Variants in EDIL3 observed in about 807,000 individuals in gnomAD.
EDIL3 encodes EGF-like repeat and discoidin I-like domain-containing protein 3.
EDIL3 carries 37 observed loss-of-function variants against 67.4 expected under a neutral mutation model. The ratio of observed to expected loss-of-function variants is 0.55; its 90% CI spans 0.42 to 0.72. EDIL3 has a LOEUF of 0.72. Among genes scored for constraint, EDIL3 ranks in the 30% least tolerant of loss-of-function variants. EDIL3 has a pLI of 0.00. For missense variants in EDIL3, 527 were observed against 586.3 expected (o/e 0.90, Z 1.04); for synonymous variants, 195 against 196.3 (o/e 0.99, Z 0.05).
Position 84,320,808 on chromosome 5 carries a change from C to A in EDIL3, c.67+63500G>T, listed in dbSNP as rs1580076620. ...AAACAAAGGGCCTAGCTTTCTTCCA[C>A]CCAGGGATGCTAAAAGGAAGAAAAG... On this transcript the variant is annotated intron_variant, in intron 1 of 10. Transcript: ENST00000296591. 2.0e-5 allele frequency among the ~76,000 whole-genome samples: 3 copies of A among 152,218 alleles called. No individual in the cohort carries two copies. In the East Asian group the frequency reaches 5.8e-4, roughly 29 times the overall value.
At chr5:84,190,536 CAT>C (rs3836849) in intron 3 of EDIL3, among the ~76,000 whole-genome samples, 14,611 of 133,190 alleles carry the variant, frequency 0.11, 705 homozygotes, top group Non-Finnish European at 0.13. Flanking sequence ...AGTATTTCTA[CAT>C]ATATATATAT....
rs142533852 is a variant in EDIL3 at position 84,011,870 on chromosome 5, T to G, written c.1137+48430A>C. Among the ~76,000 whole-genome samples the G allele has an allele frequency of 1.7e-3, 255 of 152,266 alleles. 1 individual carries two copies. The highest frequency in any genetic ancestry group is 5.8e-3 in the African/African-American group (243 of 41,578). ...TAAAACAGCAATCCCATTTACATAC[T>G]CTCTCTCTATCGATTTTGCCTTATT... On this transcript the variant is annotated intron_variant, in intron 9 of 10. Transcript: ENST00000296591.
In EDIL3 at chr5:84,079,445, A is replaced by C. The variant is rs547376191; in HGVS notation, c.652-12839T>G. Among the ~76,000 whole-genome samples, 9 of 152,202 alleles carry C rather than the reference A, an allele frequency of 5.9e-5. No individual in the cohort carries two copies. The South Asian group carries it at 1.9e-3, about 32-fold the overall frequency. On this transcript the variant is annotated intron_variant, in intron 6 of 10. Transcript: ENST00000296591. ...TGGGGTTAGTGTAAGAGTGTGCAGT[A>C]ACTGTAGAATACTCAGTCAGTGTCC...
intron 2 of EDIL3, among the ~76,000 whole-genome samples, chr5:84,243,132 GA>G (rs142037572): frequency 6.6e-6 from 1 of 152,106 alleles, no homozygotes; most frequent in Non-Finnish European, 1.5e-5. Context: ...AAATTAAAGG[GA>G]AAAGGGTGAG....
intron 9 of EDIL3, among the ~76,000 whole-genome samples, chr5:84,035,325 T>C (rs1746003384): frequency 1.3e-5 from 2 of 152,180 alleles, no homozygotes; most frequent in Non-Finnish European, 2.9e-5. Context: ...TTCATTTCCC[T>C]TCTTTCCAAT....
intron 3 of EDIL3, among the ~76,000 whole-genome samples, chr5:84,197,731 TA>T (rs1743742453): frequency 1.3e-5 from 2 of 151,074 alleles, no homozygotes; most frequent in South Asian, 4.2e-4. Context: ...AAATGCAATA[TA>T]ATTGCATCAT....
chr5:84,073,745 T>C (rs1364380784), intron 6 of EDIL3, among the ~76,000 whole-genome samples: 8 of 151,652 alleles, frequency 5.3e-5, no homozygotes, highest in Admixed American at 3.9e-4. Context: ...GTAGGAAGAA[T>C]CAATATCGTG....
At chr5:84,213,657 G>A (rs960157072) in intron 3 of EDIL3, among the ~76,000 whole-genome samples, 2 of 152,110 alleles carry the variant, frequency 1.3e-5, no homozygotes, top group African/African-American at 2.4e-5. Flanking sequence ...AAAAACAGGT[G>A]AGTAGATATG....
chr5:84,142,492 C>T, intron 4 of EDIL3, among the ~76,000 whole-genome samples: 1 of 152,014 alleles, frequency 6.6e-6, no homozygotes, highest in Non-Finnish European at 1.5e-5. Flanking sequence ...TCTGGGACAT[C>T]ATTATCCCAG....
At chr5:84,190,420 T>A (rs1037476252) in intron 3 of EDIL3, among the ~76,000 whole-genome samples, 14 of 151,870 alleles carry the variant, frequency 9.2e-5, no homozygotes, top group African/African-American at 3.4e-4. Context: ...CAGCTTGCAG[T>A]GCAAAGTCCT....
chr5:84,140,596 G>T (rs1421774479), intron 4 of EDIL3, among the ~76,000 whole-genome samples: 1 of 130,490 alleles, frequency 7.7e-6, no homozygotes, highest in Non-Finnish European at 1.6e-5. Flanking sequence ...TTACCCAGAG[G>T]TTAAGATGAA....
chr5:84,026,677 T>C (rs755212423), intron 9 of EDIL3, among the ~76,000 whole-genome samples: 2 of 152,218 alleles, frequency 1.3e-5, no homozygotes, highest in Non-Finnish European at 1.5e-5. Context: ...CTTGATTATT[T>C]CCAACTGTAA....
rs367964310 is a variant in EDIL3 at position 84,249,144 on chromosome 5, CT to C, written c.196+4939del. On this transcript the variant is annotated intron_variant, in intron 2 of 10. Transcript: ENST00000296591. ...CTTCTTTCAGTTTATGACATTATACCTTTTTTTTTAATCTCCTGGTTATTCT... is the reference window on the plus strand; with the variant it reads ...CTTCTTTCAGTTTATGACATTATACCTTTTTTTTAATCTCCTGGTTATTCT... 7.7e-3 allele frequency among the ~76,000 whole-genome samples: 1,171 copies of C among 151,150 alleles called. 15 individuals are homozygous for C. Among genetic ancestry groups the C allele is most frequent in the African/African-American group, 0.026 (1,090 of 41,224 alleles).
intron 4 of EDIL3, among the ~76,000 whole-genome samples, chr5:84,168,577 A>G (rs16900945): frequency 0.014 from 2,144 of 152,284 alleles, 50 homozygotes; most frequent in African/African-American, 0.049. Context: ...CGCTGCCCAC[A>G]TCTATAGTAA....
At chr5:84,070,954 T>C (rs1746730402) in intron 6 of EDIL3, among the ~76,000 whole-genome samples, 1 of 152,210 alleles carries the variant, frequency 6.6e-6, no homozygotes, top group African/African-American at 2.4e-5. Context: ...TCTATTTCTC[T>C]TTCTCATTCT....
chr5:84,275,805 G>A (rs961351663), intron 1 of EDIL3, among the ~76,000 whole-genome samples: 2 of 152,192 alleles, frequency 1.3e-5, no homozygotes, highest in Admixed American at 6.5e-5. Flanking sequence ...GGGAGGAAGT[G>A]GATGATTTTG....
intron 6 of EDIL3, among the ~76,000 whole-genome samples, chr5:84,102,018 T>C (rs1044872201): frequency 6.6e-6 from 1 of 151,988 alleles, no homozygotes; most frequent in African/African-American, 2.4e-5. Flanking sequence ...GTTCAACATA[T>C]GTAAATCAAT....
intron 1 of EDIL3, among the ~76,000 whole-genome samples, chr5:84,289,790 C>T (rs1745878842): frequency 1.3e-5 from 2 of 152,100 alleles, no homozygotes; most frequent in South Asian, 2.1e-4. Flanking sequence ...GAAATGAATA[C>T]GCTTACTGAA....
chr5:84,356,096 G>A (rs1747474622), intron 1 of EDIL3, among the ~76,000 whole-genome samples: 1 of 152,082 alleles, frequency 6.6e-6, no homozygotes, highest in South Asian at 2.1e-4. Flanking sequence ...AATTATATAG[G>A]CACCTTTCAA....
Sources: allele counts gnomAD v4.1 joint callset (sites outside exome capture counted in the v4.1 genomes callset), GRCh38; gene constraint gnomAD v4.1.1; transcripts MANE v1.5; gene names NCBI Gene and HGNC (gene_info 2026-07-23, HGNC 2026-07-21).